CTNNA2: variants seen among roughly 807,000 people sequenced by gnomAD.
CTNNA2 encodes the protein catenin alpha-2.
In CTNNA2, 42 loss-of-function variants were observed where a neutral mutation model predicts 101.0. That is an observed-to-expected ratio of 0.42 (90% CI 0.32 to 0.54). The LOEUF (loss-of-function observed/expected upper bound fraction) is 0.54, where lower values mean the gene tolerates loss of function less well. Among genes scored for constraint, CTNNA2 ranks in the 20% least tolerant of loss-of-function variants. CTNNA2 has a pLI of 0.14. For missense variants in CTNNA2, 871 were observed against 1,223.1 expected, an observed-to-expected ratio of 0.71 and a Z score of 4.29; for synonymous variants, 450 against 456.4, an observed-to-expected ratio of 0.99 and a Z score of 0.18.
At chr2:80,445,962 C>T (rs1232438494) in intron 9 of CTNNA2, among the ~76,000 whole-genome samples, 2 of 152,126 alleles carry the variant, frequency 1.3e-5, no homozygotes, top group African/African-American at 4.8e-5. Context: ...GGCTTCCTTA[C>T]CTGTAAAATG....
chr2:79,625,973 T>G (rs1483362977), intron 1 of CTNNA2, among the ~76,000 whole-genome samples: 3 of 152,158 alleles, frequency 2.0e-5, no homozygotes, highest in Non-Finnish European at 4.4e-5. Context: ...TTGGAGCAGG[T>G]CTGTATTTTT....
At chr2:80,047,502 C>G (rs1055768085) in intron 7 of CTNNA2, among the ~76,000 whole-genome samples, 4 of 152,020 alleles carry the variant, frequency 2.6e-5, no homozygotes, top group Non-Finnish European at 5.9e-5. Flanking sequence ...GAAGACAGTC[C>G]CTGAAGAACT....
At chr2:79,237,062 T>C (rs573733405) in intron 2 of CTNNA2, among the ~76,000 whole-genome samples, 2 of 152,342 alleles carry the variant, frequency 1.3e-5, no homozygotes, top group South Asian at 2.1e-4. Flanking sequence ...TTAGTTTGCC[T>C]AGATCCATCA....
intron 14 of CTNNA2, among the ~76,000 whole-genome samples, chr2:80,584,998 C>CT (rs1177399906): frequency 1.4e-5 from 2 of 147,220 alleles, no homozygotes; most frequent in Non-Finnish European, 3.0e-5. Flanking sequence ...CACTCCTTAA[C>CT]TACTTATTAT....
At chr2:79,679,353 A>G (rs2104629862) in intron 2 of CTNNA2, among the ~76,000 whole-genome samples, 1 of 152,264 alleles carries the variant, frequency 6.6e-6, no homozygotes, top group Middle Eastern at 3.4e-3. Flanking sequence ...TAAAAGCCTC[A>G]TTGGTGGGCG....
intron 1 of CTNNA2, among the ~76,000 whole-genome samples, chr2:79,574,371 C>A (rs181852847): frequency 2.4e-3 from 370 of 152,188 alleles, no homozygotes; most frequent in African/African-American, 8.5e-3. Context: ...CCCCTTCCAC[C>A]CTCCACCCTC....
intron 4 of CTNNA2, among the ~76,000 whole-genome samples, chr2:79,405,733 A>T (rs935892782): frequency 1.3e-5 from 2 of 152,088 alleles, no homozygotes; most frequent in African/African-American, 4.8e-5. Context: ...TGATCAAATC[A>T]GGGTAATAAG....
chr2:80,597,305 T>G (rs1697068994), intron 15 of CTNNA2, among the ~76,000 whole-genome samples: 1 of 152,080 alleles, frequency 6.6e-6, no homozygotes, highest in African/African-American at 2.4e-5. Context: ...ATACAAAAAT[T>G]AACTCAACGT....
chr2:79,956,843 G>GTTTTTTGTT (rs1553413397), intron 7 of CTNNA2, among the ~76,000 whole-genome samples: 13 of 98,932 alleles, frequency 1.3e-4, no homozygotes, highest in African/African-American at 6.1e-4. Context: ...ATACGTGTGG[G>GTTTTTTGTT]TTTTTTTTTT....
chr2:79,564,935 G>A (rs566093237), intron 1 of CTNNA2, among the ~76,000 whole-genome samples: 19 of 151,868 alleles, frequency 1.3e-4, no homozygotes, highest in African/African-American at 2.9e-4. Flanking sequence ...ATTTACTTGC[G>A]TTCTGTTTAT....
intron 4 of CTNNA2, among the ~76,000 whole-genome samples, chr2:79,468,850 T>C (rs1380678595): frequency 1.3e-5 from 2 of 152,120 alleles, no homozygotes; most frequent in Non-Finnish European, 2.9e-5. Context: ...AGACACAACA[T>C]ACCAGAATCT....
At chr2:80,106,996 T>C (rs918327689) in intron 7 of CTNNA2, among the ~76,000 whole-genome samples, 2 of 152,158 alleles carry the variant, frequency 1.3e-5, no homozygotes, top group African/African-American at 2.4e-5. Flanking sequence ...CCTAGAAGAC[T>C]CATCTTCACC....
chr2:79,313,299 A>G (rs985751523), intron 3 of CTNNA2, among the ~76,000 whole-genome samples: 1 of 152,202 alleles, frequency 6.6e-6, no homozygotes, highest in African/African-American at 2.4e-5. Flanking sequence ...CTGGTCACAT[A>G]CCACCATTAA....
chr2:80,581,868 C>G, intron 14 of CTNNA2, 49 bp downstream of exon 14: 1 of 1,108,398 alleles, frequency 9.0e-7, no homozygotes. Context: ...ACCGTGTTTA[C>G]TAAAATGGTT....
At chr2:79,859,382 A>G (rs1207026705) in intron 4 of CTNNA2, among the ~76,000 whole-genome samples, 2 of 151,306 alleles carry the variant, frequency 1.3e-5, no homozygotes, top group Non-Finnish European at 2.9e-5. Context: ...TACTTAAATC[A>G]TAACTATTCT....
At chr2:79,377,113 G>T (rs970128611) in intron 4 of CTNNA2, among the ~76,000 whole-genome samples, 1 of 151,516 alleles carries the variant, frequency 6.6e-6, no homozygotes, top group African/African-American at 2.4e-5. Flanking sequence ...CAGTGTAAAA[G>T]TGTTCCTATT....
At chr2:80,417,340 T>C (rs1001017691) in intron 8 of CTNNA2, among the ~76,000 whole-genome samples, 20 of 151,732 alleles carry the variant, frequency 1.3e-4, no homozygotes, top group African/African-American at 4.8e-4. Context: ...TACATACATA[T>C]ATTCTGGAAA....
chr2:80,002,580 G>A (rs543285894), intron 7 of CTNNA2, among the ~76,000 whole-genome samples: 2 of 152,164 alleles, frequency 1.3e-5, no homozygotes, highest in East Asian at 1.9e-4. Flanking sequence ...GAGGGGGCAG[G>A]GAAAGGAAGG....
chr2:79,408,847 T>C (rs1488494147), intron 4 of CTNNA2, among the ~76,000 whole-genome samples: 1 of 151,786 alleles, frequency 6.6e-6, no homozygotes, highest in Non-Finnish European at 1.5e-5. Context: ...ATGGTATTTC[T>C]AGTTCTAGAT....
Sources: gnomAD v4.1 joint callset for allele counts (sites outside exome capture counted in the v4.1 genomes callset) on GRCh38, gnomAD v4.1.1 for gene constraint, MANE v1.5 for transcripts, NCBI Gene and HGNC (gene_info 2026-07-23, HGNC 2026-07-21) for gene names.